MRPL47: variants seen among roughly 807,000 people sequenced by gnomAD.
MRPL47 encodes large ribosomal subunit protein uL29m.
A neutral mutation model predicts 34.0 loss-of-function variants in MRPL47; 31 were observed. The ratio of observed to expected loss-of-function variants is 0.91; its 90% CI spans 0.68 to 1.23. MRPL47 has a LOEUF of 1.23. Among genes scored for constraint, MRPL47 ranks in the 50% most tolerant of loss-of-function variants. The pLI is 0.00. For synonymous variants in MRPL47, 106 were observed against 101.6 expected (o/e 1.04, Z -0.26); for missense variants, 328 against 285.8 (o/e 1.15, Z -1.07).
intron 2 of MRPL47, 132 bp from the exon 3 acceptor site, chr3:179,601,922 T>G: frequency 1.8e-6 from 1 of 561,790 alleles, no homozygotes; most frequent in South Asian, 2.7e-5. Flanking sequence ...TTATAGTATA[T>G]AACAATGTGT....
intron 4 of MRPL47, among the ~76,000 whole-genome samples, chr3:179,595,696 C>G (rs922779543): frequency 2.0e-5 from 3 of 152,128 alleles, no homozygotes; most frequent in African/African-American, 7.2e-5. Context: ...AAATGGCTAC[C>G]AAGTCCACAG....
At chr3:179,598,566 C>T in intron 4 of MRPL47, 109 bp downstream of exon 4, 1 of 726,512 alleles carries the variant, frequency 1.4e-6, no homozygotes. Context: ...TACTAAAAAT[C>T]AAACGAATAA....
chr3:179,589,575 C>G (rs1718618863), intron 6 of MRPL47, among the ~76,000 whole-genome samples: 1 of 152,114 alleles, frequency 6.6e-6, no homozygotes, highest in Non-Finnish European at 1.5e-5. Context: ...GCATACCAAG[C>G]TCTATTTGAA....
At chr3:179,593,370 G>A (rs183655867) in intron 5 of MRPL47, among the ~76,000 whole-genome samples, 185 of 152,356 alleles carry the variant, frequency 1.2e-3, no homozygotes, top group Non-Finnish European at 2.4e-3. Context: ...TGTGCAAAGA[G>A]GGCAGGTGTG....
chr3:179,594,689 G>A (rs779431288), intron 4 of MRPL47, among the ~76,000 whole-genome samples: 1 of 152,016 alleles, frequency 6.6e-6, no homozygotes, highest in Non-Finnish European at 1.5e-5. Flanking sequence ...TCACCATGTT[G>A]GCCAGGCTGG....
chr3:179,601,590 T>G (rs1718927069), intron 3 of MRPL47, 140 bp downstream of exon 3: 1 of 599,786 alleles, frequency 1.7e-6, no homozygotes, highest in Admixed American at 3.5e-5. Flanking sequence ...TTCATGATCT[T>G]AAACATCAGA....
chr3:179,591,253 C>G (rs1321261549), intron 6 of MRPL47, among the ~76,000 whole-genome samples: 1 of 152,222 alleles, frequency 6.6e-6, no homozygotes, highest in East Asian at 1.9e-4. Context: ...TTTCTAGCAC[C>G]TTTAGCCAGG....
chr3:179,588,416 T>G lies in MRPL47; in HGVS notation c.*456A>C, dbSNP rs536008689. ...GCCATTCCAGAAATATATTTTGGAC[T>G]GTTGTGCACTGTGATTACTACTTTA... On this transcript the variant is annotated 3_prime_UTR_variant, in exon 7 of 7. Coordinates refer to ENST00000476781, the MANE Select transcript of MRPL47 (RefSeq NM_020409.3). 1.5e-4 allele frequency: 27 copies of G among 177,566 alleles called. No homozygotes were observed. Among genetic ancestry groups the G allele is most frequent in the Admixed American group, 7.1e-4 (12 of 16,854 alleles). 11.0% of individuals were successfully genotyped at this position (177,566 alleles called of 1,614,324 possible). A position where few individuals can be genotyped will look rare whatever the true frequency, so the allele number is the denominator to read the frequency against.
intron 1 of MRPL47, among the ~76,000 whole-genome samples, chr3:179,603,552 A>C (rs1718980219): frequency 6.6e-6 from 1 of 152,174 alleles, no homozygotes. Context: ...AAACAAAAAC[A>C]AAAAAACCTC....
chr3:179,595,745 A>C (rs1718775290), intron 4 of MRPL47, among the ~76,000 whole-genome samples: 1 of 152,252 alleles, frequency 6.6e-6, no homozygotes, highest in South Asian at 2.1e-4. Context: ...AATGTGAAGG[A>C]AAATCAAAAG....
chr3:179,593,645 T>C, intron 5 of MRPL47, 120 bp downstream of exon 5: 1 of 874,546 alleles, frequency 1.1e-6, no homozygotes, highest in Non-Finnish European at 1.7e-6. Flanking sequence ...CTTCTTTTAT[T>C]AGACATATCT....
intron 6 of MRPL47, among the ~76,000 whole-genome samples, chr3:179,590,668 G>T (rs1158249215): frequency 1.3e-5 from 2 of 148,932 alleles, no homozygotes; most frequent in East Asian, 4.0e-4. Flanking sequence ...AGAAGCTGTT[G>T]TATGTTTCTG....
chr3:179,597,867 TACTG>T (rs1258722861), intron 4 of MRPL47, among the ~76,000 whole-genome samples: 7 of 152,180 alleles, frequency 4.6e-5, no homozygotes, highest in African/African-American at 7.2e-5. Flanking sequence ...TACTAAACAC[TACTG>T]ACTATTACAC....
intron 5 of MRPL47, among the ~76,000 whole-genome samples, 194 bp downstream of exon 5, chr3:179,593,571 T>A (rs564702401): frequency 6.6e-6 from 1 of 152,326 alleles, no homozygotes; most frequent in South Asian, 2.1e-4. Context: ...TGGGCTGGTT[T>A]TACCAGATAA....
intron 3 of MRPL47, 125 bp from the exon 4 acceptor site, chr3:179,598,896 C>T: frequency 4.8e-6 from 3 of 630,068 alleles, no homozygotes; most frequent in South Asian, 3.3e-5. Context: ...CTGTGGCTCA[C>T]ACCTGTAATC....
At chr3:179,589,098 G>T in intron 6 of MRPL47, 103 bp from the exon 7 acceptor site, 6 of 1,117,008 alleles carry the variant, frequency 5.4e-6, no homozygotes, top group Non-Finnish European at 6.4e-6. Context: ...CTTCAAACAT[G>T]CCAGTCCCTG....
chr3:179,601,393 C>T (rs771278660), intron 3 of MRPL47, among the ~76,000 whole-genome samples: 9 of 152,110 alleles, frequency 5.9e-5, no homozygotes, highest in South Asian at 4.1e-4. Context: ...GGCAACAGAG[C>T]GAGACCTTGT....
intron 4 of MRPL47, among the ~76,000 whole-genome samples, chr3:179,597,756 C>T (rs532466971): frequency 1.3e-5 from 2 of 152,006 alleles, no homozygotes; most frequent in East Asian, 1.9e-4. Context: ...TGCAGCAAGC[C>T]GAGACTGTGC....
intron 2 of MRPL47, 44 bp downstream of exon 2, chr3:179,602,608 G>C (rs761520868): frequency 2.2e-5 from 18 of 832,824 alleles, no homozygotes; most frequent in Middle Eastern, 3.3e-4. Flanking sequence ...CGGGGGGGGG[G>C]GTTCCATAAA....
Sources: gnomAD v4.1 joint callset for allele counts (sites outside exome capture counted in the v4.1 genomes callset) on GRCh38, gnomAD v4.1.1 for gene constraint, MANE v1.5 for transcripts, NCBI Gene and HGNC (gene_info 2026-07-23, HGNC 2026-07-21) for gene names.